GNAZ: variants seen among roughly 807,000 people sequenced by gnomAD.
The protein encoded by GNAZ is G protein subunit alpha z.
In GNAZ, 3 loss-of-function variants were observed where a neutral mutation model predicts 25.4. That is an observed-to-expected ratio of 0.12 (90% confidence interval 0.05 to 0.30). The LOEUF (loss-of-function observed/expected upper bound fraction) is 0.30. GNAZ is among the 10% of genes least tolerant of loss of function. The pLI, the probability that GNAZ is intolerant of heterozygous loss-of-function variation, is 1.00. For missense variants in GNAZ, 241 were observed against 501.8 expected (o/e 0.48, Z 4.97); for synonymous variants, 211 against 205.7 (o/e 1.03, Z -0.22).
At chr22:23,089,107 G>A (rs2068891887) in intron 1 of GNAZ, among the ~76,000 whole-genome samples, 1 of 152,216 alleles carries the variant, frequency 6.6e-6, no homozygotes, top group South Asian at 2.1e-4. Context: ...AGGGAGGCAG[G>A]TAGCTAGGGA....
At chr22:23,098,911 C>G (rs1459155798) in intron 2 of GNAZ, among the ~76,000 whole-genome samples, 1 of 152,236 alleles carries the variant, frequency 6.6e-6, no homozygotes, top group Admixed American at 6.5e-5. Flanking sequence ...GGCTGCCACT[C>G]TGCTCTCTCC....
chr22:23,077,960 C>G (rs547432592), intron 1 of GNAZ, among the ~76,000 whole-genome samples: 1 of 152,214 alleles, frequency 6.6e-6, no homozygotes, highest in South Asian at 2.1e-4. Flanking sequence ...GGGCTTGGCC[C>G]TCATGCCTCC....
At chr22:23,120,684 T>G (rs1024165874) in intron 2 of GNAZ, among the ~76,000 whole-genome samples, 1 of 151,830 alleles carries the variant, frequency 6.6e-6, no homozygotes, top group African/African-American at 2.4e-5. Flanking sequence ...AACCCCCAGG[T>G]CCATACCCTG....
intron 1 of GNAZ, among the ~76,000 whole-genome samples, chr22:23,089,006 G>A (rs1352482206): frequency 1.3e-5 from 2 of 152,198 alleles, no homozygotes; most frequent in East Asian, 3.9e-4. Context: ...TGGGGGCAGG[G>A]TCTGTGTGTT....
chr22:23,076,074 G>T (rs2068498652), intron 1 of GNAZ, among the ~76,000 whole-genome samples: 1 of 152,224 alleles, frequency 6.6e-6, no homozygotes, highest in Non-Finnish European at 1.5e-5. Context: ...TGAGGAGGAG[G>T]CTGTGCTGGA....
At chr22:23,083,669 T>C (rs2068738010) in intron 1 of GNAZ, among the ~76,000 whole-genome samples, 1 of 152,030 alleles carries the variant, frequency 6.6e-6, no homozygotes, top group African/African-American at 2.4e-5. Context: ...GGAGGGGATA[T>C]GGGCCAGATG....
chr22:23,100,973 ATGGAG>A (rs2069285754), intron 2 of GNAZ, among the ~76,000 whole-genome samples: 1 of 152,218 alleles, frequency 6.6e-6, no homozygotes, highest in Non-Finnish European at 1.5e-5. Flanking sequence ...TGCTTTTAAA[ATGGAG>A]TTTAAACATT....
At chr22:23,117,713 C>A (rs572317321) in intron 2 of GNAZ, among the ~76,000 whole-genome samples, 3 of 152,366 alleles carry the variant, frequency 2.0e-5, no homozygotes, top group Non-Finnish European at 2.9e-5. Context: ...ACAGTCCCAG[C>A]ATTGTACAGA....
intron 2 of GNAZ, among the ~76,000 whole-genome samples, chr22:23,120,144 G>A (rs1016565261): frequency 2.0e-5 from 3 of 152,172 alleles, no homozygotes; most frequent in Admixed American, 6.5e-5. Context: ...ATAAGTACCT[G>A]AGTTTCCATG....
At chr22:23,103,615 C>T (rs2069370091) in intron 2 of GNAZ, among the ~76,000 whole-genome samples, 1 of 152,176 alleles carries the variant, frequency 6.6e-6, no homozygotes, top group Non-Finnish European at 1.5e-5. Flanking sequence ...TAAGAGAATC[C>T]TACTCCACAG....
At chr22:23,114,940 G>C (rs1448094042) in intron 2 of GNAZ, among the ~76,000 whole-genome samples, 1 of 152,222 alleles carries the variant, frequency 6.6e-6, no homozygotes, top group Non-Finnish European at 1.5e-5. Flanking sequence ...CTGCCATGAA[G>C]GCATCTCAGA....
intron 2 of GNAZ, among the ~76,000 whole-genome samples, chr22:23,122,005 A>G (rs1212693360): frequency 2.0e-5 from 3 of 152,204 alleles, no homozygotes; most frequent in African/African-American, 7.2e-5. Context: ...TGCTGGGATT[A>G]CAGGTGTGAG....
At chr22:23,099,067 C>T (rs1234792604) in intron 2 of GNAZ, among the ~76,000 whole-genome samples, 2 of 152,238 alleles carry the variant, frequency 1.3e-5, no homozygotes, top group African/African-American at 4.8e-5. Context: ...GCCCTCCTTC[C>T]GTGCTCAGCT....
At chr22:23,078,756 G>A (rs1051075857) in intron 1 of GNAZ, among the ~76,000 whole-genome samples, 3 of 152,234 alleles carry the variant, frequency 2.0e-5, no homozygotes, top group Admixed American at 1.3e-4. Flanking sequence ...GGGGGCTGAG[G>A]GGCCATGCAA....
At chr22:23,086,320 G>A (rs773501690) in intron 1 of GNAZ, among the ~76,000 whole-genome samples, 1 of 152,206 alleles carries the variant, frequency 6.6e-6, no homozygotes, top group Non-Finnish European at 1.5e-5. Context: ...CCATCTTTGC[G>A]CTTTGATTTC....
chr22:23,094,112 C>T (rs1344432458), intron 1 of GNAZ, among the ~76,000 whole-genome samples: 1 of 152,158 alleles, frequency 6.6e-6, no homozygotes, highest in East Asian at 1.9e-4. Flanking sequence ...CCTTCCCACC[C>T]CAGGGCCTGT....
intron 1 of GNAZ, among the ~76,000 whole-genome samples, chr22:23,073,779 A>G (rs1413378248): frequency 6.6e-6 from 1 of 152,238 alleles, no homozygotes; most frequent in Non-Finnish European, 1.5e-5. Context: ...CGCCTGCTGC[A>G]TGCCAGGCAC....
chr22:23,123,328 C>G lies in GNAZ; in HGVS notation c.965C>G (p.Ser322Cys), dbSNP rs757062183. ...NRNKETKEIY[S>C]HFTCATDTSN... ...AACAAGGAGACCAAGGAGATCTACT[C>G]CCACTTCACCTGCGCCACCGACACC... Residue 322 changes from serine to cysteine, a missense_variant, in exon 3 of 3, where the codon TCC (serine) becomes TGC (cysteine). By Grantham distance (112) the Ser-to-Cys change is moderately radical. Coordinates refer to ENST00000615612, the MANE Select transcript of GNAZ (RefSeq NM_002073.4). 6.2e-7 allele frequency: 1 copy of G among 1,613,954 alleles called. No homozygotes were observed. Among genetic ancestry groups the G allele is most frequent in the South Asian group, 1.1e-5 (1 of 91,062 alleles).
Position 23,088,729 on chromosome 22 carries a change from G to A in GNAZ, c.-449-6518G>A, listed in dbSNP as rs539021273. Among the ~76,000 whole-genome samples the A allele has an allele frequency of 7.9e-5, 12 of 152,320 alleles. No homozygotes were observed. The East Asian group carries it at 1.2e-3, about 15-fold the overall frequency. ...TGGACACCACTGGTCCCCACATTGA[G>A]GCTAGAGAGTCCTGCAGGTTCAGGG... On this transcript the variant is annotated intron_variant, in intron 1 of 2. Transcript: ENST00000615612.
Sources: gnomAD v4.1 joint callset for allele counts (sites outside exome capture counted in the v4.1 genomes callset) on GRCh38, gnomAD v4.1.1 for gene constraint, MANE v1.5 for transcripts, NCBI Gene and HGNC (gene_info 2026-07-23, HGNC 2026-07-21) for gene names.